COA1: variants seen among roughly 807,000 people sequenced by gnomAD.
COA1 encodes cytochrome c oxidase assembly factor 1 homolog.
COA1 carries 13 observed loss-of-function variants against 16.0 expected under a neutral mutation model. The observed-to-expected ratio is 0.81, with a 90% confidence interval of 0.53 to 1.29. The LOEUF (loss-of-function observed/expected upper bound fraction) is 1.29, where lower values mean the gene tolerates loss of function less well. Among genes scored for constraint, COA1 ranks in the 50% most tolerant of loss-of-function variants. The pLI is 0.00. For missense variants in COA1, 179 were observed against 177.0 expected (o/e 1.01, Z -0.06); for synonymous variants, 65 against 65.7 (o/e 0.99, Z 0.05).
chr7:43,716,382 T>C (rs1024790867), intron 1 of COA1, among the ~76,000 whole-genome samples: 2 of 152,176 alleles, frequency 1.3e-5, no homozygotes, highest in Non-Finnish European at 2.9e-5. Context: ...TGTTGGGAAC[T>C]GGAGCAAAGG....
chr7:43,701,690 C>A (rs1367319032), intron 1 of COA1, among the ~76,000 whole-genome samples: 1 of 152,178 alleles, frequency 6.6e-6, no homozygotes, highest in Non-Finnish European at 1.5e-5. Context: ...AATGGTTGAA[C>A]AAATTTAACT....
At chr7:43,640,885 C>T (rs1045386113) in intron 4 of COA1, 12 of 452,612 alleles carry the variant, frequency 2.7e-5, no homozygotes, top group African/African-American at 2.5e-4. Context: ...AGGAGGACTC[C>T]TATGTCAATG....
intron 5 of COA1, among the ~76,000 whole-genome samples, chr7:43,639,902 C>T (rs1313722889): frequency 6.6e-6 from 1 of 152,170 alleles, no homozygotes; most frequent in Non-Finnish European, 1.5e-5. Flanking sequence ...CAATGACTGA[C>T]AGGCGAATGG....
chr7:43,608,489 C>T lies in COA1; in HGVS notation c.*1140G>A, dbSNP rs954798712. The T allele has an allele frequency of 7.5e-5, 109 of 1,452,772 alleles. No individual in the cohort carries two copies. The African/African-American group carries it at 1.1e-3, about 15-fold the overall frequency. The allele number at this position is 1,452,772 out of a possible 1,614,324, so 90.0% of individuals were successfully genotyped here. A position where few individuals can be genotyped will look rare whatever the true frequency, so the allele number is the denominator to read the frequency against. On this transcript the variant is annotated 3_prime_UTR_variant and NMD_transcript_variant, in exon 7 of 7. Transcript: ENST00000415076. ...CAGTGATTTATTCAAACATGTTTCA[C>T]GTTTGTGTATTATTAGGTAACAAGG...
chr7:43,615,071 G>C (rs1174141907), intron 6 of COA1, among the ~76,000 whole-genome samples: 1 of 152,170 alleles, frequency 6.6e-6, no homozygotes, highest in Non-Finnish European at 1.5e-5. Flanking sequence ...ACTCAAAAGG[G>C]CAAAACATTC....
intron 1 of COA1, chr7:43,650,187 C>G (rs1309497964): frequency 2.0e-5 from 3 of 152,284 alleles, no homozygotes; most frequent in Admixed American, 2.0e-4. Flanking sequence ...AGAAAAATCT[C>G]TCTGGGACAG....
At chr7:43,710,375 A>AATATATATATATATATATAT (rs1554558920) in intron 1 of COA1, among the ~76,000 whole-genome samples, 4 of 36,446 alleles carry the variant, frequency 1.1e-4, no homozygotes, top group Non-Finnish European at 1.4e-4. Flanking sequence ...AAAAAAAAAA[A>AATATATATATATATATATAT]ATATATATAT....
intron 6 of COA1, among the ~76,000 whole-genome samples, chr7:43,612,633 A>AG (rs2082978695): frequency 6.6e-6 from 1 of 152,246 alleles, no homozygotes; most frequent in Admixed American, 6.5e-5. Flanking sequence ...TCCCTGTGAC[A>AG]GAAGTTAGTT....
chr7:43,707,484 C>A (rs1283194022), intron 1 of COA1, among the ~76,000 whole-genome samples: 2 of 152,166 alleles, frequency 1.3e-5, no homozygotes, highest in African/African-American at 4.8e-5. Flanking sequence ...TGAGGACTGC[C>A]AGTAGCCCAT....
chr7:43,624,825 G>A, intron 6 of COA1: 1 of 1,601,194 alleles, frequency 6.2e-7, no homozygotes, highest in Non-Finnish European at 8.5e-7. Context: ...AGAAATTCCA[G>A]GAGAATTTAT....
intron 6 of COA1, chr7:43,624,994 G>T: frequency 3.0e-6 from 2 of 676,738 alleles, no homozygotes; most frequent in South Asian, 2.7e-5. Context: ...GGAGTTAGGT[G>T]GAAGCCAGAT....
chr7:43,620,857 T>A (rs1173020144), intron 6 of COA1, among the ~76,000 whole-genome samples: 1 of 152,034 alleles, frequency 6.6e-6, no homozygotes, highest in Non-Finnish European at 1.5e-5. Context: ...CCAGCAGACC[T>A]GGGAGAAGAG....
intron 1 of COA1, among the ~76,000 whole-genome samples, chr7:43,728,925 C>G (rs1000933708): frequency 6.6e-6 from 1 of 152,184 alleles, no homozygotes; most frequent in African/African-American, 2.4e-5. Flanking sequence ...TAAATACATC[C>G]AATGTCCCCT....
In COA1 at chr7:43,710,396, T is replaced by TATATATATATATATATATATA. The variant is rs1210512835; in HGVS notation, c.-39+19032_-39+19033insTATATATATATATATATATAT. Among the ~76,000 whole-genome samples the TATATATATATATATATATATA allele has an allele frequency of 1.1e-3, 111 of 97,200 alleles. 1 individual carries two copies. The highest frequency in any genetic ancestry group is 0.011 in the Middle Eastern group (2 of 174). 63.8% of individuals were successfully genotyped at this position (97,200 alleles called of 152,430 possible). A position where few individuals can be genotyped will look rare whatever the true frequency, so the allele number is the denominator to read the frequency against. ...AAAAAATATATATATATATATATAT[T>TATATATATATATATATATATA]TTTAAGATATGTCCTAAACAGTTGA... On this transcript the variant is annotated intron_variant, in intron 1 of 5. Transcript: ENST00000223336.
chr7:43,662,703 C>G (rs974444085), intron 1 of COA1, among the ~76,000 whole-genome samples: 7 of 152,142 alleles, frequency 4.6e-5, no homozygotes, highest in African/African-American at 1.7e-4. Flanking sequence ...GTTAATGTTA[C>G]CTGGGTTTAT....
At chr7:43,691,421 A>AAAG (rs2094346852) in intron 1 of COA1, among the ~76,000 whole-genome samples, 1 of 87,458 alleles carries the variant, frequency 1.1e-5, no homozygotes, top group African/African-American at 4.8e-5. Context: ...GGAAGAAAGA[A>AAAG]AAAGAAAGAA....
intron 4 of COA1, chr7:43,641,921 G>A (rs1219777859): frequency 6.6e-6 from 1 of 152,240 alleles, no homozygotes; most frequent in East Asian, 1.9e-4. Flanking sequence ...TCATGAGACA[G>A]GCATCTCCCA....
At chr7:43,681,176 C>T (rs542844911) in intron 1 of COA1, among the ~76,000 whole-genome samples, 3 of 152,190 alleles carry the variant, frequency 2.0e-5, no homozygotes, top group African/African-American at 7.2e-5. Flanking sequence ...ATAGGATTGA[C>T]CCATTCATCG....
At chr7:43,692,053 C>T (rs1210255591) in intron 1 of COA1, among the ~76,000 whole-genome samples, 1 of 152,148 alleles carries the variant, frequency 6.6e-6, no homozygotes. Context: ...GCTGTGGCCC[C>T]CAGCTTAGTA....
Sources: gnomAD v4.1 joint callset for allele counts (sites outside exome capture counted in the v4.1 genomes callset) on GRCh38, gnomAD v4.1.1 for gene constraint, MANE v1.5 for transcripts, NCBI Gene and HGNC (gene_info 2026-07-23, HGNC 2026-07-21) for gene names.